Variants in ESYT1 observed in about 807,000 individuals in gnomAD.
ESYT1 encodes extended synaptotagmin 1, also known as extended synaptotagmin-1.
In ESYT1, 116 loss-of-function variants were observed where a neutral mutation model predicts 154.2. The observed-to-expected ratio is 0.75, with a 90% CI of 0.65 to 0.88. The LOEUF (loss-of-function observed/expected upper bound fraction) is 0.88, where lower values mean the gene tolerates loss of function less well. ESYT1 is among the 40% of genes least tolerant of loss of function. The probability of loss-of-function intolerance (pLI) is 0.00; values close to 1 mark genes in which losing one functional copy is unlikely to be tolerated. For synonymous variants in ESYT1, 500 were observed against 539.9 expected (o/e 0.93, Z 1.02); for missense variants, 1,264 against 1,379.3 (o/e 0.92, Z 1.32).
At chr12:56,136,610 A>AT (rs1194262546) in intron 15 of ESYT1, 134 bp from the exon 16 acceptor site, 2 of 607,614 alleles carry the variant, frequency 3.3e-6, no homozygotes, top group Admixed American at 4.2e-5. Flanking sequence ...AAAAAAAAAA[A>AT]GATGGCCCTG....
intron 24 of ESYT1, among the ~76,000 whole-genome samples, chr12:56,139,914 CTG>C (rs1421500832): frequency 1.3e-5 from 2 of 150,846 alleles, no homozygotes; most frequent in Admixed American, 6.6e-5. Context: ...GGGTCTTACT[CTG>C]TCGCCCAGGC....
chr12:56,139,088 C>A, intron 24 of ESYT1, 75 bp downstream of exon 24: 11 of 1,077,334 alleles, frequency 1.0e-5, no homozygotes, highest in Middle Eastern at 2.0e-4. Flanking sequence ...ACAGAGCATT[C>A]AGAGATGAGA....
intron 1 of ESYT1, chr12:56,128,933 C>T (rs999119063): frequency 3.4e-6 from 2 of 580,930 alleles, no homozygotes; most frequent in Non-Finnish European, 6.1e-6. Flanking sequence ...TGGATCCTTC[C>T]ACAGAATCAG....
rs774943160 is a variant in ESYT1 at position 56,137,638 on chromosome 12, G to A, written c.2078G>A (p.Arg693Gln). The change falls in exon 18 of 31, where the codon CGG becomes CAG. Residue 693 changes from arginine to glutamine, a missense_variant. Transcript: ENST00000394048. ...AGRSFRSHVV[R>Q]EDLNPRWNEV... The stretch of plus-strand genomic sequence containing the variant: ...CGAAGCTTCCGGAGCCATGTTGTTC[G>A]GGAAGATCTCAATCCCCGCTGGAAT... 1.8e-5 allele frequency: 29 copies of A among 1,613,982 alleles called. No homozygotes were observed. The highest frequency in any genetic ancestry group is 2.2e-5 in the East Asian group (1 of 44,886).
At chr12:56,140,184 G>T (rs1870633922) in intron 24 of ESYT1, among the ~76,000 whole-genome samples, 1 of 151,820 alleles carries the variant, frequency 6.6e-6, no homozygotes, top group African/African-American at 2.4e-5. Flanking sequence ...TAGATTTACT[G>T]GTTCTTTCGG....
chr12:56,139,174 T>C (rs889665943), intron 24 of ESYT1, among the ~76,000 whole-genome samples, 161 bp downstream of exon 24: 2 of 151,690 alleles, frequency 1.3e-5, no homozygotes, highest in South Asian at 2.1e-4. Context: ...AGTGGTGCTA[T>C]CTTGGCTCAC....
chr12:56,130,854 G>A lies in ESYT1; in HGVS notation c.496G>A (p.Ala166Thr). ...GGAGAAGCTTCTGGCTGAAACTGTGGCTCCGGCTGTTAGGGGATCTAACCC... is the reference window on the plus strand; with the variant it reads ...GGAGAAGCTTCTGGCTGAAACTGTGACTCCGGCTGTTAGGGGATCTAACCC... ...YMEKLLAETV[A>T]PAVRGSNPHL... Residue 166 changes from alanine (A) to threonine (T), a missense_variant, in exon 3 of 31, where the codon GCT (alanine) becomes ACT (threonine). Physicochemically the swap from Ala to Thr is moderately conservative, Grantham distance 58 (BLOSUM62 0). Coordinates refer to ENST00000394048, the MANE Select transcript of ESYT1 (RefSeq NM_015292.3). 2.5e-6 allele frequency: 4 copies of A among 1,614,158 alleles called. No individual in the cohort carries two copies. Among genetic ancestry groups the A allele is most frequent in the Non-Finnish European group, 3.4e-6 (4 of 1,180,044 alleles).
chr12:56,130,886 G>A lies in ESYT1; in HGVS notation c.528G>A (p.Leu176=). 1 of 1,614,194 alleles carries A rather than the reference G, an allele frequency of 6.2e-7. No individual in the cohort carries two copies. Among genetic ancestry groups the A allele is most frequent in the Non-Finnish European group, 8.5e-7 (1 of 1,180,034 alleles). Residue 176 remains leucine (L), a synonymous_variant, in exon 3 of 31, where the codon CTG becomes CTA. Coordinates refer to ENST00000394048, the MANE Select transcript of ESYT1 (RefSeq NM_015292.3). ...APAVRGSNPH[L]QTFTFTRVEL... is the part of the protein sequence containing the mutation. ...CTGTTAGGGGATCTAACCCCCATCT[G>A]CAAACATTTACATTTACACGAGTGG...
Position 56,142,560 on chromosome 12 carries a change from C to T in ESYT1, c.2734-18C>T, listed in dbSNP as rs1276231762. 2 of 1,614,106 alleles carry T rather than the reference C, an allele frequency of 1.2e-6. No individual in the cohort carries two copies. Among genetic ancestry groups the T allele is most frequent in the Non-Finnish European group, 1.7e-6 (2 of 1,180,012 alleles). ...AACTGAGAGAACTCTGCCCAGCTCA[C>T]AGCTTTCTTGCCCCTAGATCCTGGT... On this transcript the variant is annotated intron_variant, in intron 25 of 30. Transcript: ENST00000394048. This position sits in a 1 kb window ranked among gnomAD's most constrained non-coding sequence, Gnocchi z 4.1.
chr12:56,139,706 C>T (rs959013860), intron 24 of ESYT1, among the ~76,000 whole-genome samples: 2 of 151,688 alleles, frequency 1.3e-5, no homozygotes, highest in Non-Finnish European at 2.9e-5. Context: ...AGCGATTCTC[C>T]TGCCTCAGCC....
chr12:56,138,788 C>T lies in ESYT1; in HGVS notation c.2454C>T (p.His818=), dbSNP rs1421783884. The change falls in exon 23 of 31, where the codon CAC becomes CAT. Residue 818 remains histidine (H), a synonymous_variant. Coordinates refer to ENST00000394048, the MANE Select transcript of ESYT1 (RefSeq NM_015292.3). ...TCTAGCTGCGAAAAGGCACCAAGCA[C>T]CTCAGCCCTTATGCTACTCTCACTG... is the stretch of plus-strand genomic sequence containing the variant. The part of the protein sequence containing the change: ...EDLPLRKGTK[H]LSPYATLTVG... 1 of 1,614,072 alleles carries T rather than the reference C, an allele frequency of 6.2e-7. No homozygotes were observed. The highest frequency in any genetic ancestry group is 8.5e-7 in the Non-Finnish European group (1 of 1,180,036).
chr12:56,128,785 G>A, intron 1 of ESYT1, 76 bp downstream of exon 1: 1 of 1,565,196 alleles, frequency 6.4e-7, no homozygotes, highest in Non-Finnish European at 8.7e-7. Flanking sequence ...TCCTCCTTAT[G>A]CCTAGAGTCA....
chr12:56,138,022 A>G lies in ESYT1; in HGVS notation c.2199-4A>G. 1.2e-6 allele frequency: 2 copies of G among 1,614,086 alleles called. No individual in the cohort carries two copies. The highest frequency in any genetic ancestry group is 1.7e-6 in the Non-Finnish European group (2 of 1,180,014). On this transcript the variant is annotated splice_region_variant and splice_polypyrimidine_tract_variant and intron_variant, in intron 19 of 30. Coordinates refer to ENST00000394048, the MANE Select transcript of ESYT1 (RefSeq NM_015292.3). The stretch of plus-strand genomic sequence containing the variant: ...GCTTTTGTCTTAATCTTTCTCTTCA[A>G]CAGGTGTAAAGTGCGTCTCACCACA...
chr12:56,130,661 G>A (rs1870195422), intron 2 of ESYT1, 38 bp downstream of exon 2: 1 of 1,614,002 alleles, frequency 6.2e-7, no homozygotes, highest in Non-Finnish European at 8.5e-7. Context: ...CATGAGGGGA[G>A]AATGGGAATT....
Position 56,142,406 on chromosome 12 carries a change from T to C in ESYT1, c.2714T>C (p.Leu905Pro). 1 of 1,613,626 alleles carries C rather than the reference T, an allele frequency of 6.2e-7. No homozygotes were observed. Among genetic ancestry groups the C allele is most frequent in the Middle Eastern group, 1.7e-4 (1 of 6,044 alleles). Residue 905 changes from leucine to proline, a missense_variant, in exon 25 of 31, where the codon CTA becomes CCA. Leu to Pro is a moderately conservative substitution (Grantham distance 98, BLOSUM62 -3). Transcript: ENST00000394048. The surrounding 1 kb of genome is among the most constrained non-coding windows in gnomAD (Gnocchi z 4.1). ...FTLSSGQGQV[L>P]LRAQLGILVS... ...CTCAGCAGTGGTCAGGGGCAGGTGC[T>C]ACTGAGAGCACAGCTAGGGGTGAGT...
rs762674070 is a variant in ESYT1, at chr12:56,131,830, C to CTG, written c.860+27_860+28dup. On this transcript the variant is annotated intron_variant, in intron 7 of 30. Transcript: ENST00000394048. ...GTATCAAGGACTTACTGAGCACCTG[C>CTG]TGAGTGTTCCAGCGCTGGGTTGGGG... 3.1e-6 allele frequency: 5 copies of CTG among 1,612,204 alleles called. No homozygotes were observed. The East Asian group carries it at 1.1e-4, about 36-fold the overall frequency.
Position 56,144,249 on chromosome 12 carries a change from ACCTTCTTC to A in ESYT1, c.*391_*398del. The A allele has an allele frequency of 9.1e-7, 1 of 1,096,078 alleles. No homozygotes were observed. The highest frequency in any genetic ancestry group is 1.1e-6 in the Non-Finnish European group (1 of 896,300). 67.9% of individuals were successfully genotyped at this position (1,096,078 alleles called of 1,614,324 possible). ...TCTTTTTTTCTTTAACTAGATGGTC[ACCTTCTTC>A]CCTACCACACATGGGTGGGAAGGTG... On this transcript the variant is annotated 3_prime_UTR_variant, in exon 31 of 31. Transcript: ENST00000394048.
chr12:56,138,881 G>A (rs1005384967), intron 23 of ESYT1, 42 bp downstream of exon 23: 18 of 1,611,600 alleles, frequency 1.1e-5, no homozygotes, highest in Non-Finnish European at 1.5e-5. Flanking sequence ...AGGGATAAGA[G>A]AAATAAGAGT....
At chr12:56,131,372 G>A in intron 5 of ESYT1, 56 bp downstream of exon 5, 5 of 1,611,332 alleles carry the variant, frequency 3.1e-6, no homozygotes, top group Admixed American at 3.3e-5. Flanking sequence ...CGTTTCATGG[G>A]ATATGGGGAA....
Sources: gnomAD v4.1 joint callset for allele counts (sites outside exome capture counted in the v4.1 genomes callset) on GRCh38, gnomAD v4.1.1 for gene constraint, Gnocchi (gnomAD v3.1) non-coding constraint, MANE v1.5 for transcripts, NCBI Gene and HGNC (gene_info 2026-07-23, HGNC 2026-07-21) for gene names.